Variants in KCND2 observed in about 807,000 individuals in gnomAD.
KCND2 encodes the protein potassium voltage-gated channel subfamily D member 2.
A neutral mutation model predicts 54.4 loss-of-function variants in KCND2; 16 were observed. That is an observed-to-expected ratio of 0.29 (90% CI 0.20 to 0.45). The LOEUF (loss-of-function observed/expected upper bound fraction) is 0.45, where lower values mean the gene tolerates loss of function less well. Among genes scored for constraint, KCND2 ranks in the 20% least tolerant of loss-of-function variants. The pLI is 1.00. For missense variants in KCND2, 486 were observed against 824.2 expected (o/e 0.59, Z 5.02); for synonymous variants, 317 against 310.7 (o/e 1.02, Z -0.21).
chr7:120,666,914 A>G (rs1791934372), intron 1 of KCND2, among the ~76,000 whole-genome samples: 2 of 152,148 alleles, frequency 1.3e-5, no homozygotes, highest in South Asian at 4.1e-4. Flanking sequence ...AATTTATTCA[A>G]TATATCTCAG....
In KCND2 at chr7:120,742,510, T is replaced by C. The variant is rs1792954553; in HGVS notation, c.1375T>C (p.Ser459Pro). 6.2e-7 allele frequency: 1 copy of C among 1,612,838 alleles called. No homozygotes were observed. Among genetic ancestry groups the C allele is most frequent in the East Asian group, 2.2e-5 (1 of 44,864 alleles). ...RNGLLSNQLQ[S>P]SEDEQAFVSK... is the part of the protein sequence containing the mutation. ...TCTTCTGTCTTCTCTTTGTTAACAGTCCTCAGAGGATGAGCAGGCTTTTGT... is the reference window on the plus strand; with the variant it reads ...TCTTCTGTCTTCTCTTTGTTAACAGCCCTCAGAGGATGAGCAGGCTTTTGT... The change falls in exon 4 of 6, where the codon TCC becomes CCC. Residue 459 changes from serine (S) to proline (P), a missense_variant and splice_region_variant. Physicochemically the swap from Ser to Pro is moderately conservative, Grantham distance 74. Coordinates refer to ENST00000331113, the MANE Select transcript of KCND2 (RefSeq NM_012281.3).
intron 1 of KCND2, among the ~76,000 whole-genome samples, chr7:120,466,422 T>C (rs988432500): frequency 6.6e-6 from 1 of 152,196 alleles, no homozygotes; most frequent in African/African-American, 2.4e-5. Context: ...ATGATTCTTT[T>C]ATCGTTGGAG....
Position 120,273,818 on chromosome 7 carries a change from A to C in KCND2, c.-815A>C, listed in dbSNP as rs1562992910. On this transcript the variant is annotated 5_prime_UTR_variant, in exon 1 of 6. Coordinates refer to ENST00000331113, the MANE Select transcript of KCND2 (RefSeq NM_012281.3). ...CGCGGAAGCAGATGCTGCTGCCGCC[A>C]CGGCGGCGGCGGCTGCCAGCTCCTG... 6.5e-6 allele frequency: 1 copy of C among 152,844 alleles called. No individual in the cohort carries two copies. Among genetic ancestry groups the C allele is most frequent in the Non-Finnish European group, 1.5e-5 (1 of 68,230 alleles). The allele number at this position is 152,844 out of a possible 1,614,324, so 9.5% of individuals were successfully genotyped here. A position where few individuals can be genotyped will look rare whatever the true frequency, so the allele number is the denominator to read the frequency against.
At chr7:120,291,157 T>A (rs1203491434) in intron 1 of KCND2, among the ~76,000 whole-genome samples, 1 of 151,974 alleles carries the variant, frequency 6.6e-6, no homozygotes, top group Non-Finnish European at 1.5e-5. Context: ...TCATAAGTGC[T>A]CAATAAATAC....
intron 1 of KCND2, among the ~76,000 whole-genome samples, chr7:120,335,502 T>TATTA (rs1800137071): frequency 6.7e-6 from 1 of 148,396 alleles, no homozygotes; most frequent in African/African-American, 2.5e-5. Context: ...TTTATTTATT[T>TATTA]ATTAGACAGA....
chr7:120,323,538 A>G (rs1303795248), intron 1 of KCND2, among the ~76,000 whole-genome samples: 2 of 149,854 alleles, frequency 1.3e-5, no homozygotes, highest in Non-Finnish European at 3.0e-5. Flanking sequence ...TATGAGTGAG[A>G]ATATGTGGTG....
chr7:120,631,206 T>C (rs1793229751), intron 1 of KCND2, among the ~76,000 whole-genome samples: 1 of 152,122 alleles, frequency 6.6e-6, no homozygotes, highest in African/African-American at 2.4e-5. Context: ...CTTTATCTAT[T>C]GAGTCATTAT....
At chr7:120,369,531 T>C (rs1014039915) in intron 1 of KCND2, among the ~76,000 whole-genome samples, 1 of 152,072 alleles carries the variant, frequency 6.6e-6, no homozygotes, top group Non-Finnish European at 1.5e-5. Flanking sequence ...CATGATTTCC[T>C]TATTAGCTTG....
At chr7:120,596,552 A>G (rs191568971) in intron 1 of KCND2, among the ~76,000 whole-genome samples, 7 of 152,336 alleles carry the variant, frequency 4.6e-5, no homozygotes, top group African/African-American at 9.6e-5. Context: ...TACCAATTGT[A>G]TATGCCAAAG....
intron 1 of KCND2, among the ~76,000 whole-genome samples, chr7:120,447,022 A>C (rs1171147140): frequency 6.6e-6 from 1 of 152,218 alleles, no homozygotes. Flanking sequence ...AAGATAGCTG[A>C]CATGAATTGA....
chr7:120,638,305 A>G (rs1793331046), intron 1 of KCND2, among the ~76,000 whole-genome samples: 1 of 152,116 alleles, frequency 6.6e-6, no homozygotes, highest in East Asian at 1.9e-4. Context: ...GCTCCTACTG[A>G]TTTAGTATCT....
intron 1 of KCND2, among the ~76,000 whole-genome samples, chr7:120,431,956 A>G (rs1351883899): frequency 6.6e-6 from 1 of 152,208 alleles, no homozygotes; most frequent in East Asian, 1.9e-4. Context: ...ATGCAACAGC[A>G]TAAATCACTC....
At chr7:120,349,327 A>ACAC (rs1554429904) in intron 1 of KCND2, among the ~76,000 whole-genome samples, 14 of 144,466 alleles carry the variant, frequency 9.7e-5, no homozygotes, top group Non-Finnish European at 1.8e-4. Context: ...CACACACACA[A>ACAC]ACACACACAC....
At chr7:120,526,988 T>G (rs1216702210) in intron 1 of KCND2, among the ~76,000 whole-genome samples, 1 of 152,180 alleles carries the variant, frequency 6.6e-6, no homozygotes, top group Non-Finnish European at 1.5e-5. Flanking sequence ...TGGATCATTT[T>G]AACTTTCATA....
intron 1 of KCND2, among the ~76,000 whole-genome samples, chr7:120,539,113 G>A (rs1038025584): frequency 1.4e-4 from 22 of 151,886 alleles, no homozygotes; most frequent in African/African-American, 5.1e-4. Flanking sequence ...CCATATTATA[G>A]CTAATAAAGC....
At chr7:120,643,939 A>G (rs891388279) in intron 1 of KCND2, among the ~76,000 whole-genome samples, 5 of 151,412 alleles carry the variant, frequency 3.3e-5, no homozygotes, top group African/African-American at 1.2e-4. Flanking sequence ...ATTTTTAGCT[A>G]TTTTTCAGGG....
At chr7:120,573,152 G>A (rs1409902173) in intron 1 of KCND2, among the ~76,000 whole-genome samples, 1 of 152,132 alleles carries the variant, frequency 6.6e-6, no homozygotes, top group East Asian at 1.9e-4. Flanking sequence ...CGCTAAAACA[G>A]CAAGATTTGA....
At chr7:120,706,297 A>C (rs893707658) in intron 1 of KCND2, among the ~76,000 whole-genome samples, 3 of 152,178 alleles carry the variant, frequency 2.0e-5, no homozygotes, top group Non-Finnish European at 4.4e-5. Context: ...GATTGTTTTA[A>C]CCCATTTTGT....
At chr7:120,613,689 G>A (rs1014285805) in intron 1 of KCND2, among the ~76,000 whole-genome samples, 1 of 152,162 alleles carries the variant, frequency 6.6e-6, no homozygotes, top group Non-Finnish European at 1.5e-5. Flanking sequence ...ATGTAGTGGG[G>A]ACATTCTGGC....
Sources: allele counts gnomAD v4.1 joint callset (sites outside exome capture counted in the v4.1 genomes callset), GRCh38; gene constraint gnomAD v4.1.1; transcripts MANE v1.5; gene names NCBI Gene and HGNC (gene_info 2026-07-23, HGNC 2026-07-21).